Variants in FCAMR observed in about 807,000 individuals in gnomAD.
FCAMR encodes the protein high affinity immunoglobulin alpha and immunoglobulin mu Fc receptor.
In FCAMR, 51 loss-of-function variants were observed where a neutral mutation model predicts 52.2. The observed-to-expected ratio is 0.98, with a 90% CI of 0.78 to 1.23. The LOEUF (loss-of-function observed/expected upper bound fraction) is 1.23. Among genes scored for constraint, FCAMR ranks in the 50% most tolerant of loss-of-function variants. FCAMR has a pLI of 0.00. For missense variants in FCAMR, 719 were observed against 712.6 expected, an observed-to-expected ratio of 1.01 and a Z score of -0.10; for synonymous variants, 282 against 262.0, an observed-to-expected ratio of 1.08 and a Z score of -0.74.
In FCAMR at chr1:206,958,380, C is replaced by G. The variant is rs1680341332; in HGVS notation, c.*136G>C. On this transcript the variant is annotated 3_prime_UTR_variant, in exon 8 of 8. Coordinates refer to ENST00000324852, the MANE Select transcript of FCAMR (RefSeq NM_001170631.2). ...GGCCCAAGGACAGCCAGCCTTTCTT[C>G]CATGGGTGGAGCACCGGCTGCATCA... 3 of 1,014,536 alleles carry G rather than the reference C, an allele frequency of 3.0e-6. No homozygotes were observed. The highest frequency in any genetic ancestry group is 4.2e-6 in the Non-Finnish European group (3 of 711,546). 62.8% of individuals were successfully genotyped at this position (1,014,536 alleles called of 1,614,324 possible). A position where few individuals can be genotyped will look rare whatever the true frequency, so the allele number is the denominator to read the frequency against.
Position 206,967,646 on chromosome 1 carries a change from C to T in FCAMR, c.45G>A (p.Val15=), listed in dbSNP as rs371399080. The T allele has an allele frequency of 8.5e-5, 137 of 1,614,032 alleles. No individual in the cohort carries two copies. In the African/African-American group the frequency reaches 1.4e-3, roughly 17 times the overall value. Residue 15 remains valine, a synonymous_variant, in exon 2 of 8, where the codon GTG becomes GTA. Transcript: ENST00000324852. The part of the protein sequence containing the change: ...ATVKPGEQKE[V]VRRGREVDYS... ...AGTCCACTTCTCTTCCTCTCCTCAC[C>T]ACTTCCTGTTTGCAGAAGGGGAATT...
In FCAMR at chr1:206,961,204, G is replaced by T. The variant is rs751883557; in HGVS notation, c.672C>A (p.Pro224=). The T allele has an allele frequency of 1.3e-6, 2 of 1,549,938 alleles. No individual in the cohort carries two copies. Among genetic ancestry groups the T allele is most frequent in the Non-Finnish European group, 1.7e-6 (2 of 1,146,194 alleles). The change falls in exon 6 of 8, where the codon CCC becomes CCA. Residue 224 remains proline (P), a synonymous_variant. Coordinates refer to ENST00000324852, the MANE Select transcript of FCAMR (RefSeq NM_001170631.2). ...GCTCCCCAGCAGCTGGAGTGGCTGTGGGGAGGGTGCTGGCGGGACCTGTGT... is the reference window on the plus strand; with the variant it reads ...GCTCCCCAGCAGCTGGAGTGGCTGTTGGGAGGGTGCTGGCGGGACCTGTGT... The part of the protein sequence containing the change: ...TISAGPASTL[P]TATPAAGELT...
At chr1:206,961,250 A>G (rs970275554) in intron 5 of FCAMR, 27 bp from the exon 6 acceptor site, 11 of 1,494,232 alleles carry the variant, frequency 7.4e-6, no homozygotes, top group Non-Finnish European at 9.8e-6. Flanking sequence ...GGGAGGCCAC[A>G]TGGGAAGGCT....
chr1:206,966,144 G>A (rs545044189), intron 3 of FCAMR, among the ~76,000 whole-genome samples: 1 of 152,278 alleles, frequency 6.6e-6, no homozygotes, highest in South Asian at 2.1e-4. Context: ...AGGGGATGAG[G>A]GAGTATACCT....
chr1:206,958,786 A>G, intron 7 of FCAMR, 110 bp from the exon 8 acceptor site: 4 of 1,443,056 alleles, frequency 2.8e-6, no homozygotes, highest in Non-Finnish European at 3.9e-6. Flanking sequence ...TTTCTGACAC[A>G]GAAGCAATGG....
chr1:206,962,613 TCA>T, intron 4 of FCAMR, 62 bp from the exon 5 acceptor site: 1 of 1,378,914 alleles, frequency 7.3e-7, no homozygotes, highest in Non-Finnish European at 9.6e-7. Context: ...GTTTGGGGAC[TCA>T]CGAACTCTGA....
intron 7 of FCAMR, 41 bp from the exon 8 acceptor site, chr1:206,958,717 G>T (rs968857827): frequency 6.2e-7 from 1 of 1,613,030 alleles, no homozygotes; most frequent in African/African-American, 1.3e-5. Context: ...TCTGGGTAAG[G>T]ACAGCACTGA....
At chr1:206,960,309 T>C (rs1011482305) in intron 6 of FCAMR, 113 bp downstream of exon 6, 2 of 1,132,490 alleles carry the variant, frequency 1.8e-6, no homozygotes, top group Non-Finnish European at 2.5e-6. Flanking sequence ...TGTATGTCAC[T>C]GTCTTGTGGG....
chr1:206,960,403 A>T lies in FCAMR; in HGVS notation c.1454+19T>A. 1 of 1,465,662 alleles carries T rather than the reference A, an allele frequency of 6.8e-7. No individual in the cohort carries two copies. The highest frequency in any genetic ancestry group is 9.0e-7 in the Non-Finnish European group (1 of 1,109,128). The allele number at this position is 1,465,662 out of a possible 1,614,324, so 90.8% of individuals were successfully genotyped here. On this transcript the variant is annotated intron_variant, in intron 6 of 7. Coordinates refer to ENST00000324852, the MANE Select transcript of FCAMR (RefSeq NM_001170631.2). ...GCAGATGTGGGGCCCCCCAACCGGGAGAAGGTGCCTGGGGTTACCGCTTCA... is the reference window on the plus strand; with the variant it reads ...GCAGATGTGGGGCCCCCCAACCGGGTGAAGGTGCCTGGGGTTACCGCTTCA...
chr1:206,962,439 C>A lies in FCAMR; in HGVS notation c.426G>T (p.Trp142Cys). The A allele has an allele frequency of 6.2e-7, 1 of 1,614,058 alleles. No individual in the cohort carries two copies. Among genetic ancestry groups the A allele is most frequent in the Non-Finnish European group, 8.5e-7 (1 of 1,179,968 alleles). ...SSVNRHQRKY[W>C]CRLGPPRWIC... ...TCCATCTTGGGGGCCCCAGACGGCA[C>A]CAGTACTTCCTCTGGTGCCTGTTGA... Residue 142 changes from tryptophan (W) to cysteine (C), a missense_variant, in exon 5 of 8, where the codon TGG (tryptophan) becomes TGT (cysteine). Physicochemically the swap from Trp to Cys is radical, Grantham distance 215 (BLOSUM62 -2). Transcript: ENST00000324852.
intron 1 of FCAMR, among the ~76,000 whole-genome samples, chr1:206,969,597 A>G (rs1295466266): frequency 6.6e-6 from 1 of 152,108 alleles, no homozygotes; most frequent in Non-Finnish European, 1.5e-5. Flanking sequence ...TTGCTGCATG[A>G]CTTCCCAGAT....
rs1262439182 is a variant in FCAMR, at chr1:206,958,506, T to C, written c.*10A>G. 1 of 1,608,724 alleles carries C rather than the reference T, an allele frequency of 6.2e-7. No homozygotes were observed. Among genetic ancestry groups the C allele is most frequent in the Non-Finnish European group, 8.5e-7 (1 of 1,178,056 alleles). ...TCCCATGGTAACTGAGCAGTTCATC[T>C]CTCTGTCCCTCAGGGTCCTGGATTT... On this transcript the variant is annotated 3_prime_UTR_variant, in exon 8 of 8. Coordinates refer to ENST00000324852, the MANE Select transcript of FCAMR (RefSeq NM_001170631.2).
rs1168490501 is a variant in FCAMR, at chr1:206,962,540, A to G, written c.325T>C (p.Leu109=). Residue 109 remains leucine, a synonymous_variant, in exon 5 of 8, where the codon TTG becomes CTG. Coordinates refer to ENST00000324852, the MANE Select transcript of FCAMR (RefSeq NM_001170631.2). ...EESSFAAPNS[L]KGSRLVSGEP... ...CCTGACACCAGCCTTGAGCCCTTCA[A>G]TGAATTTGGAGCTGCAGACAGAGAA... The G allele has an allele frequency of 7.7e-6, 12 of 1,558,604 alleles. No individual in the cohort carries two copies. Among genetic ancestry groups the G allele is most frequent in the South Asian group, 1.2e-5 (1 of 83,326 alleles).
chr1:206,967,783 G>A, intron 1 of FCAMR, 132 bp from the exon 2 acceptor site: 1 of 773,240 alleles, frequency 1.3e-6, no homozygotes, highest in East Asian at 2.7e-5. Context: ...GTGCTATTCT[G>A]TTTCTTCTCC....
At chr1:206,963,455 A>G (rs1188241370) in intron 4 of FCAMR, among the ~76,000 whole-genome samples, 1 of 152,120 alleles carries the variant, frequency 6.6e-6, no homozygotes, top group Non-Finnish European at 1.5e-5. Context: ...CCTTGCTGAA[A>G]TTTCAGGCAT....
chr1:206,962,152 C>T (rs1192932626), intron 5 of FCAMR, 61 bp downstream of exon 5: 1 of 1,535,118 alleles, frequency 6.5e-7, no homozygotes, highest in Non-Finnish European at 8.9e-7. Flanking sequence ...GGCTTCTCTC[C>T]CACTTTCTCC....
intron 6 of FCAMR, 82 bp downstream of exon 6, chr1:206,960,340 C>A: frequency 7.5e-7 from 1 of 1,330,826 alleles, no homozygotes; most frequent in Non-Finnish European, 1.0e-6. Flanking sequence ...GAGAAGTGAG[C>A]AGAGGGAGAG....
At chr1:206,968,745 G>A (rs1680811417) in intron 1 of FCAMR, among the ~76,000 whole-genome samples, 2 of 152,186 alleles carry the variant, frequency 1.3e-5, no homozygotes, top group Non-Finnish European at 2.9e-5. Flanking sequence ...GGAGAGGTAG[G>A]AGGTGAAAGA....
At position 206,961,141 on chromosome 1, in the gene FCAMR, G is replaced by A; in HGVS notation, c.735C>T (p.Ala245=). ...MRSYGTASPV[A]NRWTPGTTQT... The stretch of plus-strand genomic sequence containing the variant: ...GGGTGGTTCCTGGGGTCCATCTGTT[G>A]GCCACTGGAGACGCTGTTCCATAGG... The change falls in exon 6 of 8, where the codon GCC becomes GCT. Residue 245 remains alanine, a synonymous_variant. Coordinates refer to ENST00000324852, the MANE Select transcript of FCAMR (RefSeq NM_001170631.2). 1 of 1,551,700 alleles carries A rather than the reference G, an allele frequency of 6.4e-7. No individual in the cohort carries two copies. The highest frequency in any genetic ancestry group is 8.7e-7 in the Non-Finnish European group (1 of 1,147,000).
Sources: allele counts gnomAD v4.1 joint callset (sites outside exome capture counted in the v4.1 genomes callset), GRCh38; gene constraint gnomAD v4.1.1; transcripts MANE v1.5; gene names NCBI Gene and HGNC (gene_info 2026-07-23, HGNC 2026-07-21).